The following PIK3CA variants were observed in gnomAD, a reference collection of about 807,000 sequenced individuals.
PIK3CA encodes phosphatidylinositol-4,5-bisphosphate 3-kinase catalytic subunit alpha, also known as phosphatidylinositol 4,5-bisphosphate 3-kinase catalytic subunit alpha isoform.
Under a neutral mutation model 138.2 loss-of-function variants are expected in PIK3CA, and 27 were observed. The ratio of observed to expected loss-of-function variants is 0.20; its 90% CI spans 0.14 to 0.27. PIK3CA has a LOEUF of 0.27. Ranked by LOEUF, PIK3CA falls within the 10% of genes least tolerant of loss-of-function variation. The probability of loss-of-function intolerance (pLI) is 1.00; values close to 1 mark genes in which losing one functional copy is unlikely to be tolerated. For synonymous variants in PIK3CA, 358 were observed against 413.2 expected, an observed-to-expected ratio of 0.87 and a Z score of 1.62; for missense variants, 544 against 1,277.4, an observed-to-expected ratio of 0.43 and a Z score of 8.75.
At chr3:179,204,660 A>G (rs944924524) in intron 6 of PIK3CA, 72 bp downstream of exon 6, 2 of 744,282 alleles carry the variant, frequency 2.7e-6, no homozygotes, top group Non-Finnish European at 4.6e-6. Context: ...TAAAAGTAGT[A>G]TATTTTTTTA....
chr3:179,210,196 C>T lies in PIK3CA; in HGVS notation c.1262C>T (p.Pro421Leu), dbSNP rs2108400149. The stretch of plus-strand genomic sequence containing the variant: ...TCTTTGTTTTTTAAGGAACACTGTC[C>T]ATTGGCATGGGGAAATATAAACTTG... ...GRKGAKEEHCPLAWGNINLFD... is the reference protein window; with the variant it reads ...GRKGAKEEHCLLAWGNINLFD... The change falls in exon 8 of 21, where the codon CCA becomes CTA. Residue 421 changes from proline (P) to leucine (L), a missense_variant. Physicochemically the swap from Pro to Leu is moderately conservative, Grantham distance 98 (BLOSUM62 -3). Transcript: ENST00000263967. 6.3e-7 allele frequency: 1 copy of T among 1,580,354 alleles called. No individual in the cohort carries two copies. The highest frequency in any genetic ancestry group is 8.5e-7 in the Non-Finnish European group (1 of 1,170,122).
Position 179,234,005 on chromosome 3 carries a change from CCT to C in PIK3CA, c.2937-84_2937-83del. The C allele has an allele frequency of 1.2e-6, 1 of 848,148 alleles. No individual in the cohort carries two copies. Among genetic ancestry groups the C allele is most frequent in the Non-Finnish European group, 1.8e-6 (1 of 544,688 alleles). 52.5% of individuals were successfully genotyped at this position (848,148 alleles called of 1,614,324 possible). Reference sequence around the variant, plus strand: ...TTTTTTATAGCTTTGTCTACGAAAGCCTCTCTAATTTTGTGACATTTGAGCAA... The same window carrying C: ...TTTTTTATAGCTTTGTCTACGAAAGCCTCTAATTTTGTGACATTTGAGCAA... On this transcript the variant is annotated intron_variant, in intron 20 of 20. Transcript: ENST00000263967. This position sits in a 1 kb window ranked among gnomAD's most constrained non-coding sequence, Gnocchi z 5.1.
intron 14 of PIK3CA, among the ~76,000 whole-genome samples, 157 bp from the exon 15 acceptor site, chr3:179,223,924 G>A (rs1038794874): frequency 1.3e-5 from 2 of 152,174 alleles, no homozygotes; most frequent in African/African-American, 4.8e-5. Flanking sequence ...TTGCTGCTCT[G>A]TGTTGTAGAA....
intron 7 of PIK3CA, among the ~76,000 whole-genome samples, 184 bp downstream of exon 7, chr3:179,209,884 G>A (rs1438197280): frequency 2.6e-5 from 4 of 152,198 alleles, no homozygotes; most frequent in African/African-American, 9.6e-5. Context: ...AATTTATGAT[G>A]AATATGTTTT....
chr3:179,199,619 G>A (rs1349637194), intron 2 of PIK3CA, 71 bp from the exon 3 acceptor site: 2 of 1,157,074 alleles, frequency 1.7e-6, no homozygotes, highest in Non-Finnish European at 2.5e-6. Flanking sequence ...AGAGTTCCCT[G>A]TTTGCAAAAA....
At chr3:179,173,727 T>A (rs1256027122) in intron 1 of PIK3CA, among the ~76,000 whole-genome samples, 1 of 152,104 alleles carries the variant, frequency 6.6e-6, no homozygotes, top group Non-Finnish European at 1.5e-5. Flanking sequence ...TTGGCAGTGT[T>A]TTTTTGTTTT....
chr3:179,217,889 G>A (rs192525208), intron 9 of PIK3CA, among the ~76,000 whole-genome samples: 1 of 151,990 alleles, frequency 6.6e-6, no homozygotes, highest in Non-Finnish European at 1.5e-5. Flanking sequence ...TCATCAGGAG[G>A]AAAAGTAAAT....
At position 179,203,260 on chromosome 3, in the gene PIK3CA, C is replaced by CT. The variant is rs199690089; in HGVS notation, c.814-277dup. Among the ~76,000 whole-genome samples, 8,021 of 152,060 alleles carry CT rather than the reference C, an allele frequency of 0.053. 228 individuals are homozygous for CT. Among genetic ancestry groups the CT allele is most frequent in the Non-Finnish European group, 0.057 (3,899 of 67,910 alleles). Reference sequence around the variant, plus strand: ...CGGCCGTGATCCTTGTTTTTAATTCCTTTTTTTGCCTCCAGTTAAGGGTAG... The same window carrying CT: ...CGGCCGTGATCCTTGTTTTTAATTCCTTTTTTTTGCCTCCAGTTAAGGGTAG... On this transcript the variant is annotated intron_variant, in intron 4 of 20. Transcript: ENST00000263967.
intron 16 of PIK3CA, among the ~76,000 whole-genome samples, chr3:179,225,522 A>G (rs1725063295): frequency 3.9e-5 from 6 of 152,188 alleles, no homozygotes; most frequent in Admixed American, 3.9e-4. Flanking sequence ...AATAATTACT[A>G]TAAATGCTTT....
intron 1 of PIK3CA, among the ~76,000 whole-genome samples, chr3:179,187,458 A>G: frequency 1.4e-5 from 2 of 146,134 alleles, no homozygotes; most frequent in Admixed American, 6.9e-5. Context: ...GAATTGCTTG[A>G]ACCCGGGAGG....
chr3:179,167,844 C>T (rs957588832), intron 1 of PIK3CA, among the ~76,000 whole-genome samples: 1 of 152,086 alleles, frequency 6.6e-6, no homozygotes, highest in Non-Finnish European at 1.5e-5. Context: ...TGATGTTATA[C>T]ATTTTTTGTT....
intron 1 of PIK3CA, among the ~76,000 whole-genome samples, chr3:179,157,366 C>G (rs1263564429): frequency 6.6e-6 from 1 of 151,982 alleles, no homozygotes; most frequent in Non-Finnish European, 1.5e-5. Context: ...AAAGCAGTTT[C>G]TATACTTGAT....
chr3:179,163,832 AT>A (rs1408558628), intron 1 of PIK3CA, among the ~76,000 whole-genome samples: 1 of 151,244 alleles, frequency 6.6e-6, no homozygotes, highest in Non-Finnish European at 1.5e-5. Context: ...TTTTCTAATG[AT>A]GTTTTTGCTG....
chr3:179,180,347 A>G (rs1342897762), intron 1 of PIK3CA, among the ~76,000 whole-genome samples: 2 of 152,122 alleles, frequency 1.3e-5, no homozygotes, highest in Admixed American at 6.6e-5. Context: ...TTGTTAGATA[A>G]TAAGGTCTTT....
chr3:179,224,083 A>T lies in PIK3CA; in HGVS notation c.2190A>T (p.Val730=). 1.3e-6 allele frequency: 2 copies of T among 1,556,438 alleles called. No individual in the cohort carries two copies. The highest frequency in any genetic ancestry group is 1.7e-5 in the Admixed American group (1 of 59,546). The change falls in exon 15 of 21, where the codon GTA becomes GTT. Residue 730 remains valine, a splice_region_variant and synonymous_variant. Coordinates refer to ENST00000263967, the MANE Select transcript of PIK3CA (RefSeq NM_006218.4). ...GACTATCCTTTTTTTTTAATCAGGTACAGATGAAGTTTTTAGTTGAGCAAA... is the reference window on the plus strand; with the variant it reads ...GACTATCCTTTTTTTTTAATCAGGTTCAGATGAAGTTTTTAGTTGAGCAAA... The part of the protein sequence containing the change: ...KQEKKDETQK[V]QMKFLVEQMR...
intron 20 of PIK3CA, chr3:179,233,339 G>A (rs367982119): frequency 1.5e-5 from 6 of 398,096 alleles, no homozygotes; most frequent in Admixed American, 1.3e-4. Context: ...GATATTGGCC[G>A]TGGGTTTGTC....
intron 6 of PIK3CA, among the ~76,000 whole-genome samples, chr3:179,208,029 T>G (rs1452983386): frequency 1.3e-5 from 2 of 152,056 alleles, no homozygotes; most frequent in African/African-American, 2.4e-5. Context: ...CCACTGCACT[T>G]CAGCCTGGGC....
intron 16 of PIK3CA, among the ~76,000 whole-genome samples, chr3:179,225,572 C>G (rs181945079): frequency 6.6e-6 from 1 of 152,206 alleles, no homozygotes; most frequent in East Asian, 1.9e-4. Flanking sequence ...ACTTATCCTA[C>G]ATTGTTATTC....
At chr3:179,209,736 T>C in intron 7 of PIK3CA, 36 bp downstream of exon 7, 1 of 1,221,686 alleles carries the variant, frequency 8.2e-7, no homozygotes, top group Middle Eastern at 1.9e-4. Context: ...ATGTTTACCT[T>C]TAAAAACTCC....
Sources: allele counts gnomAD v4.1 joint callset (sites outside exome capture counted in the v4.1 genomes callset), GRCh38; gene constraint gnomAD v4.1.1; non-coding constraint Gnocchi (gnomAD v3.1); transcripts MANE v1.5; gene names NCBI Gene and HGNC (gene_info 2026-07-23, HGNC 2026-07-21).